Variants in TSHR observed in about 807,000 individuals in gnomAD.
The protein encoded by TSHR is thyrotropin receptor.
Under a neutral mutation model 64.1 loss-of-function variants are expected in TSHR, and 51 were observed. The observed-to-expected ratio is 0.80, with a 90% CI of 0.64 to 1.01. The LOEUF (loss-of-function observed/expected upper bound fraction) is 1.01. TSHR is among the 50% of genes least tolerant of loss of function. The pLI is 0.00. For missense variants in TSHR, 877 were observed against 942.8 expected (o/e 0.93, Z 0.91); for synonymous variants, 361 against 361.9 (o/e 1.00, Z 0.03).
At chr14:81,125,393 G>A (rs1890978176) in intron 8 of TSHR, among the ~76,000 whole-genome samples, 1 of 152,154 alleles carries the variant, frequency 6.6e-6, no homozygotes, top group Non-Finnish European at 1.5e-5. Context: ...CTAATCTGAC[G>A]CAGCAGGTAA....
rs553893026 is a variant in TSHR, at chr14:81,143,059, T to C, written c.1001T>C (p.Ile334Thr). The C allele has an allele frequency of 4.9e-5, 79 of 1,614,166 alleles. No individual in the cohort carries two copies. Among genetic ancestry groups the C allele is most frequent in the South Asian group, 1.2e-4 (11 of 91,086 alleles). ...QEYEENLGDS[I>T]VGYKEKSKFQ... ...TATGAAGAGAATCTGGGTGACAGCATTGTTGGGTACAAGGAAAAGTCCAAG... is the reference window on the plus strand; with the variant it reads ...TATGAAGAGAATCTGGGTGACAGCACTGTTGGGTACAAGGAAAAGTCCAAG... Residue 334 changes from isoleucine to threonine, a missense_variant, in exon 10 of 10, where the codon ATT becomes ACT. By Grantham distance (89) the Ile-to-Thr change is moderately conservative (BLOSUM62 -1). Transcript: ENST00000298171.
intron 8 of TSHR, among the ~76,000 whole-genome samples, chr14:81,132,960 G>A (rs551481100): frequency 5.1e-4 from 77 of 152,260 alleles, no homozygotes; most frequent in African/African-American, 1.8e-3. Flanking sequence ...TTGGGTGAGT[G>A]GGAAAAAATA....
In TSHR at chr14:81,143,519, C is replaced by A. The variant is rs1240983406; in HGVS notation, c.1461C>A (p.Asp487Glu). 1 of 1,613,768 alleles carries A rather than the reference C, an allele frequency of 6.2e-7. No homozygotes were observed. Among genetic ancestry groups the A allele is most frequent in the Non-Finnish European group, 8.5e-7 (1 of 1,180,044 alleles). ...THSEYYNHAI[D>E]WQTGPGCNTA... ...CTGAGTACTACAACCATGCCATCGA[C>A]TGGCAGACAGGCCCTGGGTGCAACA... Residue 487 changes from aspartate (D) to glutamate (E), a missense_variant, in exon 10 of 10, where the codon GAC (aspartate) becomes GAA (glutamate). Transcript: ENST00000298171.
rs779243355 is a variant in TSHR, at chr14:81,143,521, G to A, written c.1463G>A (p.Trp488Ter). The change falls in exon 10 of 10, where the codon TGG (tryptophan) becomes TAG (stop). Residue 488 changes from tryptophan to a stop codon, truncating the protein, a stop_gained. Transcript: ENST00000298171. LOFTEE classifies it high-confidence loss of function. ...GAGTACTACAACCATGCCATCGACT[G>A]GCAGACAGGCCCTGGGTGCAACACG... ...HSEYYNHAID[W>*]QTGPGCNTAG... 7 of 1,613,612 alleles carry A rather than the reference G, an allele frequency of 4.3e-6. No individual in the cohort carries two copies. The highest frequency in any genetic ancestry group is 5.9e-6 in the Non-Finnish European group (7 of 1,180,036).
rs761918916 is a variant in TSHR at position 81,144,019 on chromosome 14, TCA to T, written c.1963_1964del (p.Thr655CysfsTer2). On this transcript the variant is annotated frameshift_variant, in exon 10 of 10. Transcript: ENST00000298171. LOFTEE classifies it high-confidence loss of function. The stretch of plus-strand genomic sequence containing the variant: ...TCAGCAATTCTGAACAAGCCTCTCA[TCA>T]CTGTTAGCAACTCCAAAATCTTGCT... 16 of 1,614,064 alleles carry T rather than the reference TCA, an allele frequency of 9.9e-6. No individual in the cohort carries two copies. The highest frequency in any genetic ancestry group is 1.4e-5 in the Non-Finnish European group (16 of 1,180,038).
chr14:81,050,390 A>T (rs1416712854), intron 1 of TSHR: 1 of 152,196 alleles, frequency 6.6e-6, no homozygotes, highest in Non-Finnish European at 1.5e-5. Context: ...GATTGATTTC[A>T]TGATTTCAGG....
At chr14:81,117,056 A>G (rs1484547851) in intron 8 of TSHR, among the ~76,000 whole-genome samples, 1 of 119,512 alleles carries the variant, frequency 8.4e-6, no homozygotes, top group Non-Finnish European at 1.6e-5. Context: ...AATTTATAGC[A>G]CTAAATGCCC....
chr14:81,081,130 C>T (rs1887872848), intron 3 of TSHR, among the ~76,000 whole-genome samples: 1 of 151,974 alleles, frequency 6.6e-6, no homozygotes, highest in Admixed American at 6.6e-5. Context: ...GCACTATGAC[C>T]CTGCCTGTGA....
chr14:81,013,222 T>C (rs2139780850), intron 1 of TSHR: 1 of 152,366 alleles, frequency 6.6e-6, no homozygotes, highest in Non-Finnish European at 1.5e-5. Context: ...TGCTTGTTTT[T>C]CTCAGGTTTG....
At chr14:81,099,715 T>G (rs10147921) in intron 7 of TSHR, among the ~76,000 whole-genome samples, 39,293 of 152,036 alleles carry the variant, frequency 0.26, 7,523 homozygotes, top group African/African-American at 0.54. Flanking sequence ...CTGACAAAAA[T>G]GCTGGGATGA....
In TSHR at chr14:81,103,897, A is replaced by T; in HGVS notation, c.615-4478A>T. On this transcript the variant is annotated intron_variant, in intron 7 of 9. Coordinates refer to ENST00000298171, the MANE Select transcript of TSHR (RefSeq NM_000369.5). The surrounding 1 kb of genome is among the most constrained non-coding windows in gnomAD (Gnocchi z 4.1). ...ACATTTAGGCAGGAATAAAAATACC[A>T]TTTTGATATGCTAAGAGCCCACCAA... The T allele has an allele frequency of 1.0e-6, 1 of 985,474 alleles. No homozygotes were observed. Among genetic ancestry groups the T allele is most frequent in the Non-Finnish European group, 1.2e-6 (1 of 829,930 alleles). 61.0% of individuals were successfully genotyped at this position (985,474 alleles called of 1,614,324 possible). A position where few individuals can be genotyped will look rare whatever the true frequency, so the allele number is the denominator to read the frequency against.
Position 81,096,635 on chromosome 14 carries a change from G to T in TSHR, c.546-4G>T. 2 of 1,613,384 alleles carry T rather than the reference G, an allele frequency of 1.2e-6. No individual in the cohort carries two copies. Among genetic ancestry groups the T allele is most frequent in the Non-Finnish European group, 1.7e-6 (2 of 1,179,446 alleles). Reference sequence around the variant, plus strand: ...CTGATTTCTCTTCTCTCTGTTGGTTGTAGGAAGCTGTACAACAATGGCTTT... The same window carrying T: ...CTGATTTCTCTTCTCTCTGTTGGTTTTAGGAAGCTGTACAACAATGGCTTT... On this transcript the variant is annotated splice_polypyrimidine_tract_variant and splice_region_variant and intron_variant, in intron 6 of 9. Coordinates refer to ENST00000298171, the MANE Select transcript of TSHR (RefSeq NM_000369.5).
intron 1 of TSHR, chr14:81,032,485 T>C (rs1443397942): frequency 1.7e-5 from 6 of 343,700 alleles, no homozygotes; most frequent in Non-Finnish European, 2.9e-5. Flanking sequence ...AACAAGGGAG[T>C]TGTCAGAGTT....
chr14:81,019,784 T>G (rs1328639973), intron 1 of TSHR, among the ~76,000 whole-genome samples: 20 of 152,188 alleles, frequency 1.3e-4, no homozygotes, highest in Admixed American at 1.3e-3. Context: ...ACAAAGGACA[T>G]GAACTCATCC....
Position 81,131,481 on chromosome 14 carries a change from C to T in TSHR, c.693-8198C>T, listed in dbSNP as rs567099390. 6.6e-5 allele frequency among the ~76,000 whole-genome samples: 10 copies of T among 152,314 alleles called. No individual in the cohort carries two copies. In the South Asian group the frequency reaches 2.1e-3, roughly 32 times the overall value. On this transcript the variant is annotated intron_variant, in intron 8 of 9. Coordinates refer to ENST00000298171, the MANE Select transcript of TSHR (RefSeq NM_000369.5). ...TGAAAATGTAATGTTCTTTCGACAG[C>T]CTACAAGGCCACACATGATCTGGCT...
At chr14:80,967,516 C>G (rs1212775290) in intron 1 of TSHR, among the ~76,000 whole-genome samples, 1 of 151,926 alleles carries the variant, frequency 6.6e-6, no homozygotes, top group Non-Finnish European at 1.5e-5. Flanking sequence ...AACTCCTGAC[C>G]TCAGGGGATC....
chr14:81,090,987 C>A, intron 4 of TSHR, 82 bp from the exon 5 acceptor site: 1 of 1,186,876 alleles, frequency 8.4e-7, no homozygotes, highest in Non-Finnish European at 1.2e-6. Context: ...ATGCTTTCAG[C>A]TATTACATTA....
chr14:81,130,396 A>G (rs904663769), intron 8 of TSHR, among the ~76,000 whole-genome samples: 36 of 152,312 alleles, frequency 2.4e-4, no homozygotes, highest in African/African-American at 8.4e-4. Context: ...CATTTGACTC[A>G]GTTGCTGACT....
In TSHR at chr14:81,143,623, C is replaced by T. The variant is rs1020462893; in HGVS notation, c.1565C>T (p.Ala522Val). The part of the protein sequence containing the change: ...LTVITLERWY[A>V]ITFAMRLDRK... ...GTCATCACCCTGGAGCGCTGGTATG[C>T]CATCACCTTCGCCATGCGCCTGGAC... is the stretch of plus-strand genomic sequence containing the variant. Residue 522 changes from alanine to valine, a missense_variant, in exon 10 of 10, where the codon GCC becomes GTC. Coordinates refer to ENST00000298171, the MANE Select transcript of TSHR (RefSeq NM_000369.5). 1.2e-6 allele frequency: 2 copies of T among 1,614,012 alleles called. No homozygotes were observed. The highest frequency in any genetic ancestry group is 1.7e-6 in the Non-Finnish European group (2 of 1,180,044).
Sources: allele counts gnomAD v4.1 joint callset (sites outside exome capture counted in the v4.1 genomes callset), GRCh38; gene constraint gnomAD v4.1.1; non-coding constraint Gnocchi (gnomAD v3.1); transcripts MANE v1.5; gene names NCBI Gene and HGNC (gene_info 2026-07-23, HGNC 2026-07-21).